The following GRAP2 variants were observed in gnomAD, a reference collection of about 807,000 sequenced individuals.
GRAP2 encodes GRB2 related adaptor protein 2, also known as GRB2-related adapter protein 2.
A neutral mutation model predicts 43.5 loss-of-function variants in GRAP2; 31 were observed. The ratio of observed to expected loss-of-function variants is 0.71; its 90% CI spans 0.54 to 0.96. The LOEUF is 0.96. Ranked by LOEUF, GRAP2 falls within the 40% of genes least tolerant of loss-of-function variation. The pLI is 0.00. For missense variants in GRAP2, 371 were observed against 424.4 expected (o/e 0.87, Z 1.11); for synonymous variants, 156 against 164.8 (o/e 0.95, Z 0.41).
chr22:39,938,952 G>A (rs1410767992), intron 1 of GRAP2, among the ~76,000 whole-genome samples: 5 of 152,142 alleles, frequency 3.3e-5, no homozygotes, highest in African/African-American at 9.7e-5. Flanking sequence ...CGTTCCATGT[G>A]TTCACCCCTG....
rs35891042 is a variant in GRAP2, at chr22:39,913,386, G to C, written c.-15+12056G>C. Among the ~76,000 whole-genome samples the C allele has an allele frequency of 3.3e-3, 505 of 152,244 alleles. 2 individuals are homozygous for C. Among genetic ancestry groups the C allele is most frequent in the Middle Eastern group, 6.8e-3 (2 of 294 alleles). On this transcript the variant is annotated intron_variant, in intron 1 of 7. Coordinates refer to ENST00000344138, the MANE Select transcript of GRAP2 (RefSeq NM_004810.4). Reference sequence around the variant, plus strand: ...AGAAAGGATTTCAAGTATTAGCATAGGAGTACACAGGCAGATTTCAGGTAA... The same window carrying C: ...AGAAAGGATTTCAAGTATTAGCATACGAGTACACAGGCAGATTTCAGGTAA...
At chr22:39,904,111 C>T (rs954886277) in intron 1 of GRAP2, among the ~76,000 whole-genome samples, 7 of 152,138 alleles carry the variant, frequency 4.6e-5, no homozygotes, top group Admixed American at 2.0e-4. Flanking sequence ...GAAGAACAGC[C>T]GGGCACAGTG....
At chr22:39,935,790 T>TCATGC (rs1310296693) in intron 1 of GRAP2, among the ~76,000 whole-genome samples, 3 of 152,172 alleles carry the variant, frequency 2.0e-5, no homozygotes, top group Admixed American at 6.5e-5. Context: ...GTAATTGTGG[T>TCATGC]CATGCCGTCC....
chr22:39,916,728 C>G (rs2066605867), intron 1 of GRAP2, among the ~76,000 whole-genome samples: 1 of 152,194 alleles, frequency 6.6e-6, no homozygotes, highest in African/African-American at 2.4e-5. Context: ...AAAGGAACTT[C>G]TTGTGCAGAG....
intron 1 of GRAP2, 181 bp from the exon 2 acceptor site, chr22:39,946,912 T>C: frequency 1.8e-6 from 1 of 566,640 alleles, no homozygotes; most frequent in Admixed American, 3.0e-5. Context: ...CTAGATCCTA[T>C]AGATTCCGGC....
At chr22:39,930,937 T>TC (rs1329417480) in intron 1 of GRAP2, among the ~76,000 whole-genome samples, 3 of 152,310 alleles carry the variant, frequency 2.0e-5, no homozygotes, top group Admixed American at 1.3e-4. Context: ...CACTAATCCC[T>TC]CCTGCACCTG....
chr22:39,917,501 T>C (rs1423145844), intron 1 of GRAP2, among the ~76,000 whole-genome samples: 2 of 152,246 alleles, frequency 1.3e-5, no homozygotes, highest in African/African-American at 4.8e-5. Flanking sequence ...TTAAGTGCAC[T>C]TGTAGACTTA....
intron 1 of GRAP2, among the ~76,000 whole-genome samples, chr22:39,936,213 C>T (rs891283116): frequency 2.0e-5 from 3 of 152,182 alleles, no homozygotes; most frequent in African/African-American, 4.8e-5. Context: ...ACCCCGCCCT[C>T]CACCCTTCTG....
chr22:39,968,142 C>T lies in GRAP2; in HGVS notation c.560C>T (p.Ser187Leu), dbSNP rs142712265. 4.7e-5 allele frequency: 75 copies of T among 1,607,034 alleles called. 2 individuals are homozygous for T. The South Asian group carries it at 6.4e-4, about 14-fold the overall frequency. Residue 187 changes from serine (S) to leucine (L), a missense_variant, in exon 6 of 8, where the codon TCG becomes TTG. Transcript: ENST00000344138. ...CGACCTTCGATGAACCGGAAGCTGTCGGATCACCCCCCGACCCTTCCCCTG... is the reference window on the plus strand; with the variant it reads ...CGACCTTCGATGAACCGGAAGCTGTTGGATCACCCCCCGACCCTTCCCCTG... ...EIRPSMNRKLSDHPPTLPLQQ... is the reference protein window; with the variant it reads ...EIRPSMNRKLLDHPPTLPLQQ...
chr22:39,898,446 G>T (rs906243712), upstream of GRAP2, among the ~76,000 whole-genome samples: 2 of 152,204 alleles, frequency 1.3e-5, no homozygotes, highest in African/African-American at 4.8e-5. Flanking sequence ...AAACGAGAAT[G>T]TCTGAATGCA....
chr22:39,901,249 T>C lies in GRAP2; in HGVS notation c.-96T>C, dbSNP rs773468688. On this transcript the variant is annotated 5_prime_UTR_variant, in exon 1 of 8. Transcript: ENST00000344138. ...AATGCAGTAACTCTGATGCTTGAAT[T>C]TGTCTCCCTTCTTGCCAGAAAGGAT... The C allele has an allele frequency of 6.3e-6, 8 of 1,268,132 alleles. No homozygotes were observed. The highest frequency in any genetic ancestry group is 8.3e-6 in the Non-Finnish European group (8 of 969,596). The allele number at this position is 1,268,132 out of a possible 1,614,324, so 78.6% of individuals were successfully genotyped here.
rs971820371 is a variant in GRAP2, at chr22:39,966,284, G to A, written c.459+126G>A. 1.4e-5 allele frequency: 10 copies of A among 720,610 alleles called. No homozygotes were observed. The African/African-American group carries it at 1.8e-4, about 13-fold the overall frequency. 44.6% of individuals were successfully genotyped at this position (720,610 alleles called of 1,614,324 possible). On this transcript the variant is annotated intron_variant, in intron 5 of 7. Coordinates refer to ENST00000344138, the MANE Select transcript of GRAP2 (RefSeq NM_004810.4). ...AGTATACTGAAAGACAGAGCTCAGA[G>A]CTCTGAGGTCAGATCTCAACTTAAC...
At chr22:39,940,458 C>T (rs1159354705) in intron 1 of GRAP2, among the ~76,000 whole-genome samples, 1 of 149,592 alleles carries the variant, frequency 6.7e-6, no homozygotes, top group African/African-American at 2.5e-5. Flanking sequence ...AATATTTAAG[C>T]AGTGGCTTAC....
At chr22:39,932,916 G>A (rs1395537075) in intron 1 of GRAP2, among the ~76,000 whole-genome samples, 1 of 152,158 alleles carries the variant, frequency 6.6e-6, no homozygotes, top group Non-Finnish European at 1.5e-5. Context: ...CTTGCTAAGG[G>A]TCACTCAGAA....
chr22:39,938,797 A>G (rs2066833831), intron 1 of GRAP2, among the ~76,000 whole-genome samples: 1 of 152,242 alleles, frequency 6.6e-6, no homozygotes, highest in Non-Finnish European at 1.5e-5. Flanking sequence ...CGGGGAACAC[A>G]CCTGCACACA....
chr22:39,912,413 C>T (rs1669462278), intron 1 of GRAP2, among the ~76,000 whole-genome samples: 2 of 152,268 alleles, frequency 1.3e-5, no homozygotes, highest in South Asian at 4.1e-4. Context: ...CATAGTGAGA[C>T]CTTGTCTCTG....
At chr22:39,916,001 C>G (rs1286129421) in intron 1 of GRAP2, among the ~76,000 whole-genome samples, 1 of 152,176 alleles carries the variant, frequency 6.6e-6, no homozygotes, top group Non-Finnish European at 1.5e-5. Flanking sequence ...AAGGCCTTCC[C>G]TCTTGCTTAA....
intron 2 of GRAP2, among the ~76,000 whole-genome samples, chr22:39,950,457 G>A (rs1026541712): frequency 6.6e-6 from 1 of 152,192 alleles, no homozygotes; most frequent in African/African-American, 2.4e-5. Flanking sequence ...GCAAGGGCAG[G>A]GGCTGTTTCT....
chr22:39,943,232 A>G (rs2066888318), intron 1 of GRAP2, among the ~76,000 whole-genome samples: 1 of 152,228 alleles, frequency 6.6e-6, no homozygotes, highest in African/African-American at 2.4e-5. Context: ...GAGCTGTAGC[A>G]TGGCTTTTGT....
Sources: gnomAD v4.1 joint callset for allele counts (sites outside exome capture counted in the v4.1 genomes callset) on GRCh38, gnomAD v4.1.1 for gene constraint, MANE v1.5 for transcripts, NCBI Gene and HGNC (gene_info 2026-07-23, HGNC 2026-07-21) for gene names.